PLEKHA1: variants seen among roughly 807,000 people sequenced by gnomAD.
PLEKHA1 encodes pleckstrin homology domain-containing family A member 1.
A neutral mutation model predicts 52.0 loss-of-function variants in PLEKHA1; 34 were observed. The observed-to-expected ratio is 0.65, with a 90% CI of 0.50 to 0.87. The LOEUF is 0.87. PLEKHA1 is among the 40% of genes least tolerant of loss of function. The pLI, the probability that PLEKHA1 is intolerant of heterozygous loss-of-function variation, is 0.00. For synonymous variants in PLEKHA1, 163 were observed against 170.7 expected (o/e 0.95, Z 0.35); for missense variants, 497 against 504.2 (o/e 0.99, Z 0.14).
Position 122,429,779 on chromosome 10 carries a change from G to A in PLEKHA1, c.1056G>A (p.Lys352=). 6.2e-7 allele frequency: 1 copy of A among 1,614,192 alleles called. No individual in the cohort carries two copies. Residue 352 remains lysine, a synonymous_variant, in exon 12 of 12, where the codon AAG becomes AAA. Transcript: ENST00000368990. The stretch of plus-strand genomic sequence containing the variant: ...TTTACGAGTCTCTTGCCAAGGTCAA[G>A]CCAGGGAACTTCAAGGTCCAGACTG... ...RGFYESLAKV[K]PGNFKVQTVS...
At chr10:122,420,351 C>T (rs1415418194) in intron 8 of PLEKHA1, 1 of 152,100 alleles carries the variant, frequency 6.6e-6, no homozygotes, top group Non-Finnish European at 1.5e-5. Context: ...ACCTTTTCAT[C>T]ATGGAAAAGT....
the PLEKHA1 span, chr10:122,441,403 T>C: frequency 6.6e-6 from 1 of 151,778 alleles, no homozygotes; most frequent in Non-Finnish European, 1.5e-5. Flanking sequence ...GCCTGGGAGA[T>C]CAAGGCTGCA....
chr10:122,423,350 A>C (rs2097289413), intron 8 of PLEKHA1: 1 of 148,712 alleles, frequency 6.7e-6, no homozygotes, highest in Non-Finnish European at 1.5e-5. Context: ...CCTTGAACCC[A>C]GGAGGCGGAG....
In PLEKHA1 at chr10:122,393,057, G is replaced by A; in HGVS notation, c.-20-124G>A. 1.6e-6 allele frequency: 1 copy of A among 632,406 alleles called. No individual in the cohort carries two copies. Among genetic ancestry groups the A allele is most frequent in the Non-Finnish European group, 2.6e-6 (1 of 390,728 alleles). The allele number at this position is 632,406 out of a possible 1,614,324, so 39.2% of individuals were successfully genotyped here. A position where few individuals can be genotyped will look rare whatever the true frequency, so the allele number is the denominator to read the frequency against. On this transcript the variant is annotated intron_variant, in intron 1 of 11. Transcript: ENST00000368990. The surrounding 1 kb of genome is among the most constrained non-coding windows in gnomAD (Gnocchi z 4.5). ...TTGTCAATGCCTCAGATGTTGGTGT[G>A]TGTTCATTTTAATTGACCTTACCTA...
the PLEKHA1 span, chr10:122,441,469 CA>C: frequency 2.5e-3 from 340 of 134,006 alleles, no homozygotes; most frequent in Middle Eastern, 3.9e-3. Flanking sequence ...GACCCTGTCT[CA>C]AAAAAAAAAA....
At chr10:122,385,544 A>G (rs2096679967) in intron 1 of PLEKHA1, among the ~76,000 whole-genome samples, 1 of 152,074 alleles carries the variant, frequency 6.6e-6, no homozygotes, top group African/African-American at 2.4e-5. Flanking sequence ...TTGAACTCCC[A>G]ACCTCAGGTG....
intron 5 of PLEKHA1, among the ~76,000 whole-genome samples, chr10:122,410,240 T>C (rs1215162358): frequency 6.6e-6 from 1 of 152,186 alleles, no homozygotes; most frequent in Non-Finnish European, 1.5e-5. Context: ...TTTCCTACTA[T>C]TAGAATTTCC....
At chr10:122,442,522 G>A in the PLEKHA1 span, 1 of 152,244 alleles carries the variant, frequency 6.6e-6, no homozygotes, top group East Asian at 1.9e-4. Flanking sequence ...ATTTTTGTGT[G>A]TGTAAAAATC....
At chr10:122,417,138 A>G (rs1418247211) in intron 7 of PLEKHA1, 1 of 152,442 alleles carries the variant, frequency 6.6e-6, no homozygotes, top group Non-Finnish European at 1.5e-5. Context: ...TTATTGACAA[A>G]AAATATTTGT....
At chr10:122,390,543 C>T (rs781424674) in intron 1 of PLEKHA1, among the ~76,000 whole-genome samples, 5 of 151,812 alleles carry the variant, frequency 3.3e-5, no homozygotes, top group South Asian at 4.2e-4. Flanking sequence ...TTTGAGAGGC[C>T]GAGGCAAGAG....
At chr10:122,426,493 GTATCTGTCAA>G (rs1233328111) in intron 10 of PLEKHA1, among the ~76,000 whole-genome samples, 1 of 152,130 alleles carries the variant, frequency 6.6e-6, no homozygotes, top group African/African-American at 2.4e-5. Flanking sequence ...AAAGCCAGAC[GTATCTGTCAA>G]TACTTATTGT....
At chr10:122,429,179 C>T (rs998835175) in intron 11 of PLEKHA1, among the ~76,000 whole-genome samples, 2 of 152,192 alleles carry the variant, frequency 1.3e-5, no homozygotes, top group Middle Eastern at 3.4e-3. Context: ...TTGTTATAGT[C>T]TATATTTTAA....
At chr10:122,423,759 AATTTTGT>A (rs2097297541) in intron 8 of PLEKHA1, 1 of 157,830 alleles carries the variant, frequency 6.3e-6, no homozygotes, top group Admixed American at 6.5e-5. Flanking sequence ...GTAAACATTC[AATTTTGT>A]ATTTATATAA....
At chr10:122,392,390 G>T (rs1022654617) in intron 1 of PLEKHA1, 1 of 152,070 alleles carries the variant, frequency 6.6e-6, no homozygotes, top group East Asian at 1.9e-4. Flanking sequence ...TTTGGATATA[G>T]AGGGGATCTA....
At chr10:122,392,575 G>C (rs2096791380) in intron 1 of PLEKHA1, among the ~76,000 whole-genome samples, 1 of 151,752 alleles carries the variant, frequency 6.6e-6, no homozygotes, top group African/African-American at 2.4e-5. Flanking sequence ...TAGAGCATAA[G>C]ATAGGAGATC....
At chr10:122,379,175 T>C (rs1469645724) in intron 1 of PLEKHA1, among the ~76,000 whole-genome samples, 1 of 144,188 alleles carries the variant, frequency 6.9e-6, no homozygotes, top group Non-Finnish European at 1.6e-5. Context: ...ATCTGCTTGC[T>C]CCCATCCTGT....
chr10:122,427,159 T>C, intron 11 of PLEKHA1, 128 bp downstream of exon 11: 1 of 819,280 alleles, frequency 1.2e-6, no homozygotes, highest in Admixed American at 3.0e-5. Context: ...TTATACCAAT[T>C]GGACTTGCAA....
chr10:122,402,774 A>G (rs1248927666), intron 4 of PLEKHA1, among the ~76,000 whole-genome samples: 1 of 152,202 alleles, frequency 6.6e-6, no homozygotes, highest in Non-Finnish European at 1.5e-5. Flanking sequence ...AGAATCAGTG[A>G]GGCTGTATAT....
At chr10:122,377,535 CTG>C (rs1172022194) in intron 1 of PLEKHA1, among the ~76,000 whole-genome samples, 2 of 152,112 alleles carry the variant, frequency 1.3e-5, no homozygotes, top group African/African-American at 2.4e-5. Context: ...GACATGGTGT[CTG>C]AAAGGAATGC....
Sources: gnomAD v4.1 joint callset for allele counts (sites outside exome capture counted in the v4.1 genomes callset) on GRCh38, gnomAD v4.1.1 for gene constraint, Gnocchi (gnomAD v3.1) non-coding constraint, MANE v1.5 for transcripts, NCBI Gene and HGNC (gene_info 2026-07-23, HGNC 2026-07-21) for gene names.